The following MAT2A variants were observed in gnomAD, a reference collection of about 807,000 sequenced individuals.
The protein encoded by MAT2A is S-adenosylmethionine synthase isoform type-2.
Under a neutral mutation model 43.9 loss-of-function variants are expected in MAT2A, and 3 were observed. The observed-to-expected ratio is 0.07, with a 90% CI of 0.03 to 0.18. MAT2A has a LOEUF of 0.18. Among genes scored for constraint, MAT2A ranks in the 10% least tolerant of loss-of-function variants. MAT2A has a pLI of 1.00. For missense variants in MAT2A, 204 were observed against 489.0 expected (o/e 0.42, Z 5.50); for synonymous variants, 200 against 168.4 (o/e 1.19, Z -1.45).
At chr2:85,539,510 C>T (rs1459479686) in intron 1 of MAT2A, 132 bp downstream of exon 1, 2 of 609,452 alleles carry the variant, frequency 3.3e-6, no homozygotes, top group South Asian at 2.6e-5. Flanking sequence ...GAGCGGCGAC[C>T]GCGCGCTTTC....
intron 2 of MAT2A, 26 bp downstream of exon 2, chr2:85,541,186 T>G: frequency 6.2e-7 from 1 of 1,612,726 alleles, no homozygotes; most frequent in African/African-American, 1.3e-5. Flanking sequence ...GCTTATCAAC[T>G]GGTGGAAAGA....
rs1691409977 is a variant in MAT2A, at chr2:85,539,656, G to C, written c.91+278G>C. 15 of 305,818 alleles carry C rather than the reference G, an allele frequency of 4.9e-5. No homozygotes were observed. In the South Asian group the frequency reaches 7.2e-4, roughly 15 times the overall value. The allele number at this position is 305,818 out of a possible 1,614,324, so 18.9% of individuals were successfully genotyped here. On this transcript the variant is annotated intron_variant, in intron 1 of 8. Coordinates refer to ENST00000306434, the MANE Select transcript of MAT2A (RefSeq NM_005911.6). ...GAAGGTTCCAGAAAACGTGAAGGGC[G>C]GGGGCTGTGGTCGCTAGTGAGTTCT... is the stretch of plus-strand genomic sequence containing the variant.
chr2:85,539,249 TGCTCC>T lies in MAT2A; in HGVS notation c.-38_-34del. On this transcript the variant is annotated 5_prime_UTR_variant, in exon 1 of 9. Transcript: ENST00000306434. ...TTCGCAGCCGCTGCCGCCTCGCCGC[TGCTCC>T]TTCGTAAGGCCACTTCCGCACACCG... 6.8e-7 allele frequency: 1 copy of T among 1,473,994 alleles called. No homozygotes were observed. Among genetic ancestry groups the T allele is most frequent in the Non-Finnish European group, 9.4e-7 (1 of 1,065,748 alleles). The allele number at this position is 1,473,994 out of a possible 1,614,324, so 91.3% of individuals were successfully genotyped here.
At chr2:85,541,540 G>T in intron 3 of MAT2A, 93 bp from the exon 4 acceptor site, 1 of 1,296,054 alleles carries the variant, frequency 7.7e-7, no homozygotes, top group Non-Finnish European at 1.1e-6. Flanking sequence ...AGGTATATTT[G>T]ATTTCTTCAG....
chr2:85,541,419 C>T (rs539069941), intron 3 of MAT2A, 42 bp downstream of exon 3: 6 of 1,599,492 alleles, frequency 3.8e-6, no homozygotes, highest in South Asian at 3.4e-5. Context: ...TAGGTAACAG[C>T]TGTGAGGTTT....
chr2:85,541,531 G>A (rs1345655794), intron 3 of MAT2A, 102 bp from the exon 4 acceptor site: 2 of 1,293,132 alleles, frequency 1.5e-6, no homozygotes, highest in Middle Eastern at 2.8e-4. Context: ...CGATGGTTTA[G>A]GTATATTTGA....
chr2:85,542,675 A>G lies in MAT2A; in HGVS notation c.879A>G (p.Ser293=). ...SGKDYTKVDR[S]AAYAARWVAK... ...AGGATTATACCAAGGTCGACCGTTC[A>G]GCTGCTTATGCTGCTCGTTGGGTGG... Residue 293 remains serine, a synonymous_variant, in exon 7 of 9, where the codon TCA becomes TCG. Coordinates refer to ENST00000306434, the MANE Select transcript of MAT2A (RefSeq NM_005911.6). The G allele has an allele frequency of 6.2e-7, 1 of 1,613,960 alleles. No homozygotes were observed. The highest frequency in any genetic ancestry group is 8.5e-7 in the Non-Finnish European group (1 of 1,179,850).
At position 85,543,963 on chromosome 2, in the gene MAT2A, CT is replaced by C. The variant is rs1691543007; in HGVS notation, c.*192del. The C allele has an allele frequency of 1.9e-6, 1 of 522,506 alleles. No homozygotes were observed. Among genetic ancestry groups the C allele is most frequent in the Admixed American group, 3.6e-5 (1 of 27,626 alleles). The allele number at this position is 522,506 out of a possible 1,614,324, so 32.4% of individuals were successfully genotyped here. On this transcript the variant is annotated 3_prime_UTR_variant, in exon 9 of 9. Coordinates refer to ENST00000306434, the MANE Select transcript of MAT2A (RefSeq NM_005911.6). Reference sequence around the variant, plus strand: ...GTAAGTTGGGCTTGCTATTCTGTCCCTAGGTGTTTTGTTCACCATTATAATG... The same window carrying C: ...GTAAGTTGGGCTTGCTATTCTGTCCCAGGTGTTTTGTTCACCATTATAATG...
chr2:85,545,201 T>C lies in MAT2A; in HGVS notation c.*1429T>C, dbSNP rs1391688425. The stretch of plus-strand genomic sequence containing the variant: ...GAAAGTGCCTTTCAGGATCTATTTT[T>C]GGAGGTTTATTACGTATGTCTGGTT... On this transcript the variant is annotated 3_prime_UTR_variant, in exon 9 of 9. Transcript: ENST00000306434. 1 of 152,652 alleles carries C rather than the reference T, an allele frequency of 6.6e-6. No homozygotes were observed. The highest frequency in any genetic ancestry group is 2.4e-5 in the African/African-American group (1 of 41,444). The allele number at this position is 152,652 out of a possible 1,614,324, so 9.5% of individuals were successfully genotyped here.
At chr2:85,539,604 T>A in intron 1 of MAT2A, 1 of 416,786 alleles carries the variant, frequency 2.4e-6, no homozygotes, top group Non-Finnish European at 4.3e-6. Flanking sequence ...CCCTCCCTTT[T>A]CATTCGGTCG....
At chr2:85,540,910 G>A (rs1222315472) in intron 1 of MAT2A, among the ~76,000 whole-genome samples, 173 bp from the exon 2 acceptor site, 1 of 152,138 alleles carries the variant, frequency 6.6e-6, no homozygotes, top group African/African-American at 2.4e-5. Context: ...GATTTATAAT[G>A]CAAACTTTGA....
chr2:85,543,415 T>G, intron 8 of MAT2A: 1 of 445,680 alleles, frequency 2.2e-6, no homozygotes, highest in Non-Finnish European at 4.0e-6. Flanking sequence ...GTGAGCTTTT[T>G]GACAATTGAA....
At chr2:85,539,765 C>T (rs1297775552) in intron 1 of MAT2A, 1 of 160,156 alleles carries the variant, frequency 6.2e-6, no homozygotes, top group Admixed American at 6.5e-5. Context: ...CGCGTGCTCG[C>T]GTCCGGCCCT....
intron 1 of MAT2A, chr2:85,539,580 ACCCTT>A (rs1573306594): frequency 4.4e-6 from 2 of 455,278 alleles, no homozygotes; most frequent in African/African-American, 2.1e-5. Flanking sequence ...TCCCCTCTCC[ACCCTT>A]CCCTTCCCCC....
At chr2:85,542,017 G>A in intron 5 of MAT2A, 45 bp downstream of exon 5, 1 of 1,602,268 alleles carries the variant, frequency 6.2e-7, no homozygotes, top group Non-Finnish European at 8.5e-7. Flanking sequence ...TATTACATCA[G>A]CACAGAAGAT....
chr2:85,542,114 T>C (rs1443427688), intron 5 of MAT2A, 41 bp from the exon 6 acceptor site: 8 of 1,587,910 alleles, frequency 5.0e-6, no homozygotes, highest in Middle Eastern at 1.7e-4. Context: ...TACAAAGTTA[T>C]TGTTTGGTGT....
chr2:85,540,938 C>T (rs1017335533), intron 1 of MAT2A, 145 bp from the exon 2 acceptor site: 10 of 606,216 alleles, frequency 1.6e-5, no homozygotes, highest in South Asian at 2.2e-5. Flanking sequence ...GAGGAAAGTG[C>T]AAACACAATG....
Position 85,539,277 on chromosome 2 carries a change from C to T in MAT2A, c.-11C>T. On this transcript the variant is annotated 5_prime_UTR_variant, in exon 1 of 9. Transcript: ENST00000306434. ...TCCTTCGTAAGGCCACTTCCGCACA[C>T]CGACACCAACATGAACGGACAGCTC... 6.2e-7 allele frequency: 1 copy of T among 1,600,804 alleles called. No individual in the cohort carries two copies. Among genetic ancestry groups the T allele is most frequent in the South Asian group, 1.1e-5 (1 of 89,598 alleles).
intron 2 of MAT2A, 42 bp from the exon 3 acceptor site, chr2:85,541,207 ATTATTT>A: frequency 6.2e-7 from 1 of 1,612,156 alleles, no homozygotes; most frequent in Non-Finnish European, 8.5e-7. Flanking sequence ...TAGCATAAAA[ATTATTT>A]TTATAGAAGT....
Sources: allele counts gnomAD v4.1 joint callset (sites outside exome capture counted in the v4.1 genomes callset), GRCh38; gene constraint gnomAD v4.1.1; transcripts MANE v1.5; gene names NCBI Gene and HGNC (gene_info 2026-07-23, HGNC 2026-07-21).